The following PLSCR2 variants were observed in gnomAD, a reference collection of about 807,000 sequenced individuals.
The protein encoded by PLSCR2 is PL scramblase 2.
In PLSCR2, 18 loss-of-function variants were observed where a neutral mutation model predicts 25.3. The observed-to-expected ratio is 0.71, with a 90% CI of 0.49 to 1.06. The LOEUF (loss-of-function observed/expected upper bound fraction) is 1.06, where lower values mean the gene tolerates loss of function less well. Ranked by LOEUF, PLSCR2 falls within the 50% of genes least tolerant of loss-of-function variation. The probability of loss-of-function intolerance (pLI) is 0.00; values close to 1 mark genes in which losing one functional copy is unlikely to be tolerated. For synonymous variants in PLSCR2, 88 were observed against 87.3 expected (o/e 1.01, Z -0.04); for missense variants, 243 against 269.5 (o/e 0.90, Z 0.69).
chr3:146,401,167 CCTT>C (rs35817465), intron 2 of PLSCR2, among the ~76,000 whole-genome samples: 1 of 151,982 alleles, frequency 6.6e-6, no homozygotes, highest in Non-Finnish European at 1.5e-5. Context: ...GATTTTATGA[CCTT>C]CATTGCCTAG....
chr3:146,418,352 A>C (rs1330377603), intron 2 of PLSCR2, among the ~76,000 whole-genome samples: 1 of 152,164 alleles, frequency 6.6e-6, no homozygotes, highest in African/African-American at 2.4e-5. Flanking sequence ...ATCAGCTGAA[A>C]CATCCAAAAT....
At chr3:146,465,175 T>C (rs539004046), upstream of PLSCR2, among the ~76,000 whole-genome samples, 4 of 152,296 alleles carry the variant, frequency 2.6e-5, no homozygotes, top group East Asian at 7.7e-4. Context: ...AATCCACTTT[T>C]TGTATTATGC....
At chr3:146,393,447 T>C (rs1220463733) in intron 3 of PLSCR2, among the ~76,000 whole-genome samples, 1 of 152,172 alleles carries the variant, frequency 6.6e-6, no homozygotes, top group Non-Finnish European at 1.5e-5. Flanking sequence ...GACTTGCTTC[T>C]TGGCCCACTA....
At chr3:146,493,139 A>C (rs569856690) in intron 1 of PLSCR2, among the ~76,000 whole-genome samples, 53 of 152,266 alleles carry the variant, frequency 3.5e-4, no homozygotes, top group African/African-American at 1.3e-3. Context: ...GACCAAAAAC[A>C]AGATCCAAAA....
chr3:146,452,001 A>G (rs2040925674), intron 5 of PLSCR2, among the ~76,000 whole-genome samples: 1 of 152,242 alleles, frequency 6.6e-6, no homozygotes, highest in African/African-American at 2.4e-5. Flanking sequence ...AGTAGTTTTA[A>G]CAAATTGTCA....
chr3:146,459,476 T>G (rs2041425778), intron 2 of PLSCR2, among the ~76,000 whole-genome samples: 1 of 152,198 alleles, frequency 6.6e-6, no homozygotes, highest in African/African-American at 2.4e-5. Context: ...TTTCCTCTTG[T>G]GTAGAGTAGT....
intron 2 of PLSCR2, among the ~76,000 whole-genome samples, chr3:146,400,354 A>C (rs2038425154): frequency 6.6e-6 from 1 of 151,554 alleles, no homozygotes; most frequent in South Asian, 2.1e-4. Context: ...AAGCAACAAA[A>C]AAGTAAAGTT....
intron 2 of PLSCR2, among the ~76,000 whole-genome samples, chr3:146,426,455 C>T (rs73868809): frequency 0.082 from 12,475 of 152,036 alleles, 664 homozygotes; most frequent in African/African-American, 0.14. Context: ...TCTTCACTTG[C>T]CCAAATTACT....
chr3:146,435,711 A>G (rs1413702661), intron 8 of PLSCR2, among the ~76,000 whole-genome samples: 1 of 152,066 alleles, frequency 6.6e-6, no homozygotes, highest in African/African-American at 2.4e-5. Flanking sequence ...ATTTTCTCCC[A>G]TTTTGTAGGT....
At chr3:146,426,251 C>T (rs923063293) in intron 2 of PLSCR2, among the ~76,000 whole-genome samples, 3 of 132,096 alleles carry the variant, frequency 2.3e-5, no homozygotes, top group African/African-American at 8.6e-5. Context: ...CTCTCCCTCT[C>T]TCCCTCCTTC....
intron 6 of PLSCR2, among the ~76,000 whole-genome samples, chr3:146,443,310 C>A (rs6766800): frequency 0.48 from 73,554 of 151,684 alleles, 18,776 homozygotes; most frequent in South Asian, 0.7. Flanking sequence ...ATTCCTCCCC[C>A]CTCTATTTTT....
chr3:146,488,867 T>C (rs1262009883), intron 1 of PLSCR2, among the ~76,000 whole-genome samples: 4 of 152,020 alleles, frequency 2.6e-5, no homozygotes, highest in African/African-American at 9.7e-5. Context: ...TAAACGCACA[T>C]GTATGTTAAT....
At position 146,483,140 on chromosome 3, in the gene PLSCR2, C is replaced by G. The variant is rs142510730; in HGVS notation, c.-293+12755G>C. Among the ~76,000 whole-genome samples the G allele has an allele frequency of 6.6e-3, 1,008 of 151,756 alleles. 13 individuals are homozygous for G. The highest frequency in any genetic ancestry group is 0.023 in the African/African-American group (963 of 41,340). Reference sequence around the variant, plus strand: ...CCCATCATCTCAGCAATCTACCCATCTGACAAAGGGCTAATATCCAGAATC... The same window carrying G: ...CCCATCATCTCAGCAATCTACCCATGTGACAAAGGGCTAATATCCAGAATC... On this transcript the variant is annotated intron_variant, in intron 1 of 8. Transcript: ENST00000336685.
downstream of PLSCR2, among the ~76,000 whole-genome samples, chr3:146,440,127 C>T (rs1418925933): frequency 6.6e-6 from 1 of 152,152 alleles, no homozygotes; most frequent in Admixed American, 6.5e-5. Context: ...CCTGATCCTT[C>T]CTCTGGAAGC....
chr3:146,461,446 T>C (rs1471378692), upstream of PLSCR2, among the ~76,000 whole-genome samples: 2 of 152,140 alleles, frequency 1.3e-5, no homozygotes, highest in African/African-American at 4.8e-5. Context: ...TATCAAAAAG[T>C]CAATATGCTG....
intron 2 of PLSCR2, chr3:146,398,730 T>C (rs2038360343): frequency 6.6e-6 from 1 of 152,194 alleles, no homozygotes; most frequent in South Asian, 2.1e-4. Flanking sequence ...GTCCTCCTTA[T>C]TCTCATTTTT....
intron 1 of PLSCR2, among the ~76,000 whole-genome samples, chr3:146,468,264 C>T (rs1295773944): frequency 6.6e-6 from 1 of 152,152 alleles, no homozygotes; most frequent in Non-Finnish European, 1.5e-5. Flanking sequence ...GCTCAAAACC[C>T]TTCTATTGTA....
At chr3:146,453,106 C>A (rs1294320470) in intron 5 of PLSCR2, among the ~76,000 whole-genome samples, 1 of 151,866 alleles carries the variant, frequency 6.6e-6, no homozygotes, top group Non-Finnish European at 1.5e-5. Flanking sequence ...TTTTATATAA[C>A]CAAATTCTAA....
At chr3:146,448,612 T>C (rs1263253934) in intron 6 of PLSCR2, among the ~76,000 whole-genome samples, 2 of 152,210 alleles carry the variant, frequency 1.3e-5, no homozygotes, top group East Asian at 1.9e-4. Flanking sequence ...GTTCGTATCA[T>C]CTGGGGCACT....
Sources: gnomAD v4.1 joint callset for allele counts (sites outside exome capture counted in the v4.1 genomes callset) on GRCh38, gnomAD v4.1.1 for gene constraint, MANE v1.5 for transcripts, NCBI Gene and HGNC (gene_info 2026-07-23, HGNC 2026-07-21) for gene names.